Variants in MEPCE observed in about 807,000 individuals in gnomAD.
MEPCE encodes methylphosphate capping enzyme.
In MEPCE, 9 loss-of-function variants were observed where a neutral mutation model predicts 52.3. The ratio of observed to expected loss-of-function variants is 0.17; its 90% CI spans 0.10 to 0.30. The LOEUF is 0.30. MEPCE is among the 10% of genes least tolerant of loss of function. The pLI is 1.00. For synonymous variants in MEPCE, 477 were observed against 401.6 expected (o/e 1.19, Z -2.25); for missense variants, 826 against 933.0 (o/e 0.89, Z 1.49).
At position 100,433,852 on chromosome 7, in the gene MEPCE, G is replaced by A. The variant is rs1477928065; in HGVS notation, c.*298G>A. The A allele has an allele frequency of 1.4e-5, 6 of 431,296 alleles. No homozygotes were observed. The highest frequency in any genetic ancestry group is 2.1e-5 in the Non-Finnish European group (5 of 240,580). The allele number at this position is 431,296 out of a possible 1,614,324, so 26.7% of individuals were successfully genotyped here. ...TTCTCTTAGGGCATGGGAGGTGGGA[G>A]GATATCAAATTCTCTAGCCCTTTCC... On this transcript the variant is annotated 3_prime_UTR_variant, in exon 4 of 4. Coordinates refer to ENST00000310512, the MANE Select transcript of MEPCE (RefSeq NM_019606.6).
rs1798778947 is a variant in MEPCE, at chr7:100,433,402, T to G, written c.2017+13T>G. On this transcript the variant is annotated intron_variant, in intron 3 of 3. Transcript: ENST00000310512. ...AACACCTCTAAAGGTAAGGCTGGTT[T>G]ATTTTGTCAGGGAGGCTGGTCCTGG... is the stretch of plus-strand genomic sequence containing the variant. 1.2e-6 allele frequency: 2 copies of G among 1,613,984 alleles called. No homozygotes were observed. The highest frequency in any genetic ancestry group is 1.7e-6 in the Non-Finnish European group (2 of 1,180,012).
rs1360654304 is a variant in MEPCE, at chr7:100,433,882, A to G, written c.*328A>G. ...TCAAATTCTCTAGCCCTTTCCTCCT[A>G]TTCTCCCAAGGAGAGAGATTCCCAT... On this transcript the variant is annotated 3_prime_UTR_variant, in exon 4 of 4. Coordinates refer to ENST00000310512, the MANE Select transcript of MEPCE (RefSeq NM_019606.6). 6 of 358,324 alleles carry G rather than the reference A, an allele frequency of 1.7e-5. No homozygotes were observed. The highest frequency in any genetic ancestry group is 5.5e-5 in the East Asian group (1 of 18,084). The allele number at this position is 358,324 out of a possible 1,614,324, so 22.2% of individuals were successfully genotyped here.
Position 100,430,975 on chromosome 7 carries a change from C to T in MEPCE, c.957C>T (p.Asn319=), listed in dbSNP as rs1456756180. The T allele has an allele frequency of 4.3e-6, 7 of 1,611,638 alleles. No individual in the cohort carries two copies. Among genetic ancestry groups the T allele is most frequent in the Non-Finnish European group, 5.1e-6 (6 of 1,178,628 alleles). Residue 319 remains asparagine (N), a synonymous_variant, in exon 1 of 4, where the codon AAC becomes AAT. Coordinates refer to ENST00000310512, the MANE Select transcript of MEPCE (RefSeq NM_019606.6). ...ATGCCCCCCAACCCTATGAACTCAA[C>T]ACAGCCATCAACTGCAGGGATGAAG... The part of the protein sequence containing the change: ...NRDAPQPYEL[N]TAINCRDEVV...
chr7:100,429,691 T>C, upstream of MEPCE: 6 of 272,594 alleles, frequency 2.2e-5, no homozygotes, highest in Non-Finnish European at 4.1e-5. Flanking sequence ...ACCAGGGTGG[T>C]GGCGGAGTGC....
rs374057185 is a variant in MEPCE, at chr7:100,431,178, G to A, written c.1160G>A (p.Gly387Asp). 4.5e-5 allele frequency: 73 copies of A among 1,613,594 alleles called. No individual in the cohort carries two copies. Among genetic ancestry groups the A allele is most frequent in the Non-Finnish European group, 6.0e-5 (71 of 1,180,024 alleles). The part of the protein sequence containing the change: ...RGGGQGSKEK[G>D]RGSWGGRHHH... ...GGAGGCCAGGGTTCCAAGGAAAAGG[G>A]CCGAGGGAGTTGGGGAGGCCGCCAC... Residue 387 changes from glycine (G) to aspartate (D), a missense_variant, in exon 1 of 4, where the codon GGC becomes GAC. Transcript: ENST00000310512.
Position 100,430,186 on chromosome 7 carries a change from A to T in MEPCE, c.168A>T (p.Pro56=), listed in dbSNP as rs1465742989. 1 of 1,297,428 alleles carries T rather than the reference A, an allele frequency of 7.7e-7. No homozygotes were observed. The highest frequency in any genetic ancestry group is 1.5e-5 in the African/African-American group (1 of 64,592). 80.4% of individuals were successfully genotyped at this position (1,297,428 alleles called of 1,614,324 possible). Reference sequence around the variant, plus strand: ...AGCGTGGTCCGGGTCGTTGCGCGCCATCTGCGGGGTCCCCAGCCGCTGCGG... The same window carrying T: ...AGCGTGGTCCGGGTCGTTGCGCGCCTTCTGCGGGGTCCCCAGCCGCTGCGG... The part of the protein sequence containing the change: ...GTERGPGRCA[P]SAGSPAAAVG... The change falls in exon 1 of 4, where the codon CCA becomes CCT. Residue 56 remains proline, a synonymous_variant. Coordinates refer to ENST00000310512, the MANE Select transcript of MEPCE (RefSeq NM_019606.6).
Position 100,429,854 on chromosome 7 carries a change from A to C in MEPCE, c.-165A>C. 1 of 501,110 alleles carries C rather than the reference A, an allele frequency of 2.0e-6. No individual in the cohort carries two copies. Among genetic ancestry groups the C allele is most frequent in the Non-Finnish European group, 3.1e-6 (1 of 321,818 alleles). 31.0% of individuals were successfully genotyped at this position (501,110 alleles called of 1,614,324 possible). A position where few individuals can be genotyped will look rare whatever the true frequency, so the allele number is the denominator to read the frequency against. On this transcript the variant is annotated 5_prime_UTR_variant, in exon 1 of 4. Coordinates refer to ENST00000310512, the MANE Select transcript of MEPCE (RefSeq NM_019606.6). ...GCCTCTTGTTTTGGTCTCGCGGGCTAGTAGGGCGCACTTGGCGGGGAGGCG... is the reference window on the plus strand; with the variant it reads ...GCCTCTTGTTTTGGTCTCGCGGGCTCGTAGGGCGCACTTGGCGGGGAGGCG...
At chr7:100,428,800 C>G (rs887696406), upstream of MEPCE, 6 of 152,104 alleles carry the variant, frequency 3.9e-5, no homozygotes, top group African/African-American at 1.2e-4. Flanking sequence ...GTTGAGAGGC[C>G]CGCGAACTGA....
At position 100,432,950 on chromosome 7, in the gene MEPCE, T is replaced by C; in HGVS notation, c.1703T>C (p.Val568Ala). 6.2e-7 allele frequency: 1 copy of C among 1,614,050 alleles called. No individual in the cohort carries two copies. Among genetic ancestry groups the C allele is most frequent in the Non-Finnish European group, 8.5e-7 (1 of 1,180,028 alleles). Residue 568 changes from valine to alanine, a missense_variant, in exon 2 of 4, where the codon GTG becomes GCG. This residue lies in a region of MEPCE where 107 missense variants were observed against 157.9 expected (regional missense o/e 0.68). Coordinates refer to ENST00000310512, the MANE Select transcript of MEPCE (RefSeq NM_019606.6). ...TATGTGCTGGATCGAGATGACCTGG[T>C]GGAGGCCCAAACACCTGAGTATGAT... is the stretch of plus-strand genomic sequence containing the variant. The part of the protein sequence containing the change: ...GNYVLDRDDL[V>A]EAQTPEYDVV...
Position 100,429,886 on chromosome 7 carries a change from C to T in MEPCE, c.-133C>T, listed in dbSNP as rs1176918054. 4.9e-5 allele frequency: 36 copies of T among 739,082 alleles called. No homozygotes were observed. Among genetic ancestry groups the T allele is most frequent in the Non-Finnish European group, 6.1e-5 (33 of 539,918 alleles). The allele number at this position is 739,082 out of a possible 1,614,324, so 45.8% of individuals were successfully genotyped here. A position where few individuals can be genotyped will look rare whatever the true frequency, so the allele number is the denominator to read the frequency against. ...CGCACTTGGCGGGGAGGCGCTTGGGCGCGAGACTAGGCGTGAAGAGCAGAG... is the reference window on the plus strand; with the variant it reads ...CGCACTTGGCGGGGAGGCGCTTGGGTGCGAGACTAGGCGTGAAGAGCAGAG... On this transcript the variant is annotated 5_prime_UTR_variant, in exon 1 of 4. Coordinates refer to ENST00000310512, the MANE Select transcript of MEPCE (RefSeq NM_019606.6).
chr7:100,433,495 C>T lies in MEPCE; in HGVS notation c.2018-7C>T, dbSNP rs1294135046. 1 of 1,614,058 alleles carries T rather than the reference C, an allele frequency of 6.2e-7. No individual in the cohort carries two copies. Among genetic ancestry groups the T allele is most frequent in the Non-Finnish European group, 8.5e-7 (1 of 1,180,000 alleles). ...CAACCCCTTCTGATCACTCTCTCTC[C>T]CCTCAGGCTTCCAGCGTCCTGTGTA... On this transcript the variant is annotated splice_polypyrimidine_tract_variant and splice_region_variant and intron_variant, in intron 3 of 3. Transcript: ENST00000310512.
At chr7:100,433,200 G>A (rs539530999) in intron 2 of MEPCE, 63 bp downstream of exon 2, 1 of 1,613,300 alleles carries the variant, frequency 6.2e-7, no homozygotes, top group African/African-American at 1.3e-5. Flanking sequence ...CCCCGAGGTG[G>A]GCATCGCCCT....
chr7:100,433,629 C>T lies in MEPCE; in HGVS notation c.*75C>T, dbSNP rs1313484194. Reference sequence around the variant, plus strand: ...GGACCTGGGGGAAGAGGAAAGTGTCCCAAGGTCTTTCCTTTCTGACTCCAA... The same window carrying T: ...GGACCTGGGGGAAGAGGAAAGTGTCTCAAGGTCTTTCCTTTCTGACTCCAA... On this transcript the variant is annotated 3_prime_UTR_variant, in exon 4 of 4. Coordinates refer to ENST00000310512, the MANE Select transcript of MEPCE (RefSeq NM_019606.6). 53 of 1,428,094 alleles carry T rather than the reference C, an allele frequency of 3.7e-5. No homozygotes were observed. Among genetic ancestry groups the T allele is most frequent in the Non-Finnish European group, 5.2e-5 (53 of 1,027,594 alleles). 88.5% of individuals were successfully genotyped at this position (1,428,094 alleles called of 1,614,324 possible). A position where few individuals can be genotyped will look rare whatever the true frequency, so the allele number is the denominator to read the frequency against.
rs888636018 is a variant in MEPCE, at chr7:100,433,658, T to G, written c.*104T>G. 2 of 1,189,454 alleles carry G rather than the reference T, an allele frequency of 1.7e-6. No individual in the cohort carries two copies. The highest frequency in any genetic ancestry group is 3.1e-5 in the African/African-American group (2 of 64,670). The allele number at this position is 1,189,454 out of a possible 1,614,324, so 73.7% of individuals were successfully genotyped here. A position where few individuals can be genotyped will look rare whatever the true frequency, so the allele number is the denominator to read the frequency against. ...GGTCTTTCCTTTCTGACTCCAAAAA[T>G]AGTTTCCTTTCTTGGATCTGCAAAG... On this transcript the variant is annotated 3_prime_UTR_variant, in exon 4 of 4. Transcript: ENST00000310512.
chr7:100,431,574 AGAG>A lies in MEPCE; in HGVS notation c.1560_1562del (p.Arg520del), dbSNP rs748032989. Reference sequence around the variant, plus strand: ...GAGGAAGGGACCACCACCGTTCGAAAGAGGAGCTGCTTCCCAGCCTCGCTGACT... The same window carrying A: ...GAGGAAGGGACCACCACCGTTCGAAAGAGCTGCTTCCCAGCCTCGCTGACT... On this transcript the variant is annotated inframe_deletion, in exon 1 of 4. Coordinates refer to ENST00000310512, the MANE Select transcript of MEPCE (RefSeq NM_019606.6). The A allele has an allele frequency of 2.0e-5, 33 of 1,612,172 alleles. No homozygotes were observed. The highest frequency in any genetic ancestry group is 2.7e-5 in the Non-Finnish European group (32 of 1,180,026).
At chr7:100,433,193 C>A in intron 2 of MEPCE, 56 bp downstream of exon 2, 2 of 1,613,064 alleles carry the variant, frequency 1.2e-6, no homozygotes, top group African/African-American at 1.3e-5. Flanking sequence ...GAAAAGGCCC[C>A]GAGGTGGGCA....
upstream of MEPCE, among the ~76,000 whole-genome samples, chr7:100,429,215 G>T (rs1798356689): frequency 1.3e-5 from 2 of 152,056 alleles, no homozygotes; most frequent in Admixed American, 6.5e-5. Flanking sequence ...CCTTCGTCAG[G>T]AAGCCCCGCC....
At position 100,430,325 on chromosome 7, in the gene MEPCE, C is replaced by G; in HGVS notation, c.307C>G (p.Pro103Ala). ...QSHGEARLSDPPGRAAPPDVG... is the reference protein window; with the variant it reads ...QSHGEARLSDAPGRAAPPDVG... ...GCATGGGGAGGCCCGCCTGTCGGATCCCCCGGGGCGAGCCGCTCCCCCGGA... is the reference window on the plus strand; with the variant it reads ...GCATGGGGAGGCCCGCCTGTCGGATGCCCCGGGGCGAGCCGCTCCCCCGGA... Residue 103 changes from proline (P) to alanine (A), a missense_variant, in exon 1 of 4, where the codon CCC becomes GCC. Physicochemically the swap from Pro to Ala is conservative, Grantham distance 27. Around this residue, in one of 7 missense-constraint regions of MEPCE, gnomAD observed 314 missense variants for 277.7 expected, o/e 1.13. Transcript: ENST00000310512. 6.3e-6 allele frequency: 9 copies of G among 1,420,744 alleles called. No individual in the cohort carries two copies. Among genetic ancestry groups the G allele is most frequent in the Non-Finnish European group, 8.3e-6 (9 of 1,090,668 alleles). 88.0% of individuals were successfully genotyped at this position (1,420,744 alleles called of 1,614,324 possible).
chr7:100,431,200 C>T lies in MEPCE; in HGVS notation c.1182C>T (p.Arg394=). 2 of 1,611,806 alleles carry T rather than the reference C, an allele frequency of 1.2e-6. No individual in the cohort carries two copies. The highest frequency in any genetic ancestry group is 1.7e-4 in the Middle Eastern group (1 of 6,056). The stretch of plus-strand genomic sequence containing the variant: ...AGGGCCGAGGGAGTTGGGGAGGCCG[C>T]CACCACCACCACCACCCACTGCCTG... ...KEKGRGSWGG[R]HHHHHPLPAA... The change falls in exon 1 of 4, where the codon CGC becomes CGT. Residue 394 remains arginine, a synonymous_variant. Coordinates refer to ENST00000310512, the MANE Select transcript of MEPCE (RefSeq NM_019606.6).
Sources: gnomAD v4.1 joint callset for allele counts (sites outside exome capture counted in the v4.1 genomes callset) on GRCh38, gnomAD v4.1.1 for gene constraint, gnomAD v4.1.1 regional missense constraint, MANE v1.5 for transcripts, NCBI Gene and HGNC (gene_info 2026-07-23, HGNC 2026-07-21) for gene names.